The following TUSC3 variants were observed in gnomAD, a reference collection of about 807,000 sequenced individuals.
TUSC3 encodes the protein dolichyl-diphosphooligosaccharide--protein glycosyltransferase subunit TUSC3.
A neutral mutation model predicts 44.8 loss-of-function variants in TUSC3; 45 were observed. The ratio of observed to expected loss-of-function variants is 1.00; its 90% CI spans 0.79 to 1.29. The LOEUF (loss-of-function observed/expected upper bound fraction) is 1.29, where lower values mean the gene tolerates loss of function less well. TUSC3 is among the 50% of genes most tolerant of loss of function. The pLI is 0.00. For missense variants in TUSC3, 519 were observed against 437.9 expected, an observed-to-expected ratio of 1.19 and a Z score of -1.65; for synonymous variants, 212 against 152.9, an observed-to-expected ratio of 1.39 and a Z score of -2.85.
intron 2 of TUSC3, among the ~76,000 whole-genome samples, chr8:15,646,478 G>A (rs995401975): frequency 6.6e-6 from 1 of 152,026 alleles, no homozygotes; most frequent in Non-Finnish European, 1.5e-5. Context: ...ATGGAATACA[G>A]AGTTTGAAGG....
At chr8:15,760,611 A>G (rs1812133766) in intron 10 of TUSC3, among the ~76,000 whole-genome samples, 1 of 152,202 alleles carries the variant, frequency 6.6e-6, no homozygotes, top group African/African-American at 2.4e-5. Context: ...ATTTTGTGAC[A>G]TGAAAATTAT....
At chr8:15,605,434 G>A (rs2129156395) in intron 1 of TUSC3, among the ~76,000 whole-genome samples, 1 of 152,006 alleles carries the variant, frequency 6.6e-6, no homozygotes, top group South Asian at 2.1e-4. Context: ...ATCTTCTCCT[G>A]TAGAAGGAAG....
intron 2 of TUSC3, among the ~76,000 whole-genome samples, chr8:15,511,619 C>T (rs1246727557): frequency 1.3e-5 from 2 of 152,084 alleles, no homozygotes; most frequent in South Asian, 2.1e-4. Flanking sequence ...CCTGTAATTC[C>T]AGCACTTTGG....
At chr8:15,506,714 C>G (rs918657425) in intron 2 of TUSC3, among the ~76,000 whole-genome samples, 1 of 152,094 alleles carries the variant, frequency 6.6e-6, no homozygotes, top group Non-Finnish European at 1.5e-5. Flanking sequence ...AGGAAAAACC[C>G]GTCCCCATGA....
At chr8:15,624,421 C>T (rs1440743255) in intron 2 of TUSC3, among the ~76,000 whole-genome samples, 1 of 152,190 alleles carries the variant, frequency 6.6e-6, no homozygotes, top group African/African-American at 2.4e-5. Context: ...TGTATCATTT[C>T]ACATTCCAGC....
rs763352594 is a variant in TUSC3, at chr8:15,659,673, A to T, written c.567+26A>T. ...GTATGTTTTTATTCCTCACAGTTTT[A>T]ATAATAGGCTGGTTAGTTTGTTTTT... On this transcript the variant is annotated intron_variant, in intron 4 of 10. Coordinates refer to ENST00000503731, the MANE Select transcript of TUSC3 (RefSeq NM_006765.4). 1.1e-5 allele frequency: 17 copies of T among 1,610,038 alleles called. No homozygotes were observed. The African/African-American group carries it at 1.9e-4, about 18-fold the overall frequency.
chr8:15,608,656 C>G (rs973066542), intron 1 of TUSC3, among the ~76,000 whole-genome samples: 1 of 152,032 alleles, frequency 6.6e-6, no homozygotes, highest in African/African-American at 2.4e-5. Context: ...GCGTGAGTCT[C>G]GTGAGATCCG....
At chr8:15,548,044 G>A (rs1354803672) in intron 1 of TUSC3, among the ~76,000 whole-genome samples, 1 of 151,346 alleles carries the variant, frequency 6.6e-6, no homozygotes, top group South Asian at 2.1e-4. Context: ...GCAATCTGCA[G>A]TCCAGAAGGG....
chr8:15,493,323 C>T (rs1306404882), intron 2 of TUSC3, among the ~76,000 whole-genome samples: 1 of 152,000 alleles, frequency 6.6e-6, no homozygotes, highest in Non-Finnish European at 1.5e-5. Context: ...TGCAGTGGCT[C>T]AATCATAGCT....
At chr8:15,658,454 C>T (rs950806651) in intron 3 of TUSC3, among the ~76,000 whole-genome samples, 7 of 151,874 alleles carry the variant, frequency 4.6e-5, no homozygotes, top group South Asian at 2.1e-4. Context: ...ACTGTTGTAT[C>T]GTTTGCTTGA....
At chr8:15,849,865 T>C in the TUSC3 span, among the ~76,000 whole-genome samples, 1 of 152,054 alleles carries the variant, frequency 6.6e-6, no homozygotes, top group Non-Finnish European at 1.5e-5. Context: ...ACTCCAGTGC[T>C]GAGCTCCAGT....
intron 9 of TUSC3, among the ~76,000 whole-genome samples, chr8:15,749,198 T>G (rs924668092): frequency 2.0e-5 from 3 of 152,172 alleles, no homozygotes; most frequent in African/African-American, 7.2e-5. Flanking sequence ...AAGCTCAGTA[T>G]TTCCTTTTTC....
At chr8:15,457,233 G>A (rs557710294) in intron 1 of TUSC3, among the ~76,000 whole-genome samples, 11 of 151,746 alleles carry the variant, frequency 7.2e-5, no homozygotes, top group Admixed American at 3.3e-4. Flanking sequence ...GAGTTAATGG[G>A]TGCAGCACAC....
chr8:15,687,054 CAG>C (rs1199559828), intron 6 of TUSC3, among the ~76,000 whole-genome samples: 2 of 151,892 alleles, frequency 1.3e-5, no homozygotes, highest in Non-Finnish European at 2.9e-5. Flanking sequence ...GCCTGGGTGA[CAG>C]AGCAAGACTC....
chr8:15,563,014 T>G (rs1018153320), intron 1 of TUSC3, among the ~76,000 whole-genome samples: 1 of 152,120 alleles, frequency 6.6e-6, no homozygotes, highest in African/African-American at 2.4e-5. Context: ...GCAGTTACGT[T>G]ACAGTGGTTC....
chr8:15,556,251 G>A (rs756696784), intron 1 of TUSC3, among the ~76,000 whole-genome samples: 2 of 144,906 alleles, frequency 1.4e-5, no homozygotes, highest in African/African-American at 2.5e-5. Context: ...GTGAGAATAT[G>A]CGGTGTTTGG....
chr8:15,427,256 TATA>T (rs1213983837), intron 1 of TUSC3, among the ~76,000 whole-genome samples: 66 of 148,248 alleles, frequency 4.5e-4, no homozygotes, highest in African/African-American at 1.6e-3. Context: ...TTTAGTTTAA[TATA>T]ATCCTGTTAC....
chr8:15,671,741 C>G (rs1024576624), intron 5 of TUSC3, among the ~76,000 whole-genome samples: 1 of 152,042 alleles, frequency 6.6e-6, no homozygotes, highest in African/African-American at 2.4e-5. Flanking sequence ...TGACAGTTTT[C>G]TGTCTCATGT....
At chr8:15,686,208 A>G (rs997931750) in intron 6 of TUSC3, among the ~76,000 whole-genome samples, 4 of 152,158 alleles carry the variant, frequency 2.6e-5, no homozygotes, top group African/African-American at 7.2e-5. Flanking sequence ...CATAAAAACA[A>G]TTTTTGTTGT....
Sources: allele counts gnomAD v4.1 joint callset (sites outside exome capture counted in the v4.1 genomes callset), GRCh38; gene constraint gnomAD v4.1.1; transcripts MANE v1.5; gene names NCBI Gene and HGNC (gene_info 2026-07-23, HGNC 2026-07-21).